VAPA: variants seen among roughly 807,000 people sequenced by gnomAD.
VAPA encodes VAMP associated protein A.
A neutral mutation model predicts 25.6 loss-of-function variants in VAPA; 6 were observed. The ratio of observed to expected loss-of-function variants is 0.23; its 90% CI spans 0.13 to 0.46. The LOEUF (loss-of-function observed/expected upper bound fraction) is 0.46, where lower values mean the gene tolerates loss of function less well. VAPA is among the 20% of genes least tolerant of loss of function. The pLI is 0.99. For synonymous variants in VAPA, 112 were observed against 106.2 expected (o/e 1.05, Z -0.34); for missense variants, 244 against 302.1 (o/e 0.81, Z 1.43).
intron 5 of VAPA, chr18:9,951,142 C>T (rs1053523056): frequency 4.6e-5 from 7 of 152,184 alleles, no homozygotes; most frequent in Admixed American, 2.0e-4. Flanking sequence ...ACTTTACATA[C>T]GGGGCTCACA....
chr18:9,917,195 A>G (rs1006281518), intron 1 of VAPA, among the ~76,000 whole-genome samples: 6 of 152,382 alleles, frequency 3.9e-5, no homozygotes, highest in Admixed American at 2.6e-4. Flanking sequence ...CAGATTTGAA[A>G]CTTGGTATTT....
rs1194952876 is a variant in VAPA at position 9,950,305 on chromosome 18, A to G, written c.418-90A>G. ...TAGGCCTTTTAAAGAGTTTTTCATG[A>G]ACAAAGATGTAGAATTTATATTGTT... is the stretch of plus-strand genomic sequence containing the variant. On this transcript the variant is annotated intron_variant, in intron 4 of 5. Transcript: ENST00000400000. The G allele has an allele frequency of 1.0e-5, 15 of 1,433,706 alleles. No individual in the cohort carries two copies. In the East Asian group the frequency reaches 1.9e-4, roughly 18 times the overall value. 88.8% of individuals were successfully genotyped at this position (1,433,706 alleles called of 1,614,324 possible).
chr18:9,924,713 A>G (rs569189530), intron 1 of VAPA, among the ~76,000 whole-genome samples: 4 of 152,266 alleles, frequency 2.6e-5, no homozygotes, highest in Admixed American at 2.6e-4. Flanking sequence ...TGGTAAGTAA[A>G]GTTAATCACA....
rs754844480 is a variant in VAPA at position 9,954,167 on chromosome 18, G to A, written c.706G>A (p.Ala236Thr). The change falls in exon 6 of 6, where the codon GCA becomes ACA. Residue 236 changes from alanine (A) to threonine (T), a missense_variant. Ala to Thr is a moderately conservative substitution (Grantham distance 58). Around this residue, in one of 2 missense-constraint regions of VAPA, gnomAD observed 145 missense variants for 140.6 expected, o/e 1.03. Transcript: ENST00000400000. ...TCTTCCTTCACTTCTTGTTGTAATT[G>A]CAGCCATTTTCATTGGATTCTTTCT... ...SPLPSLLVVI[A>T]AIFIGFFLGK... The A allele has an allele frequency of 6.2e-7, 1 of 1,613,448 alleles. No homozygotes were observed. The highest frequency in any genetic ancestry group is 8.5e-7 in the Non-Finnish European group (1 of 1,179,730).
chr18:9,914,515 C>T (rs1176139578), intron 1 of VAPA, 180 bp downstream of exon 1: 3 of 402,828 alleles, frequency 7.4e-6, no homozygotes, highest in African/African-American at 4.3e-5. Context: ...CTGCCCCTTG[C>T]TCCGGCCCGC....
chr18:9,929,970 A>T (rs1458937650), intron 1 of VAPA, among the ~76,000 whole-genome samples: 1 of 152,164 alleles, frequency 6.6e-6, no homozygotes, highest in Admixed American at 6.5e-5. Context: ...CTGTATTGAC[A>T]ATTTATAATC....
At chr18:9,923,549 A>G (rs181572913) in intron 1 of VAPA, among the ~76,000 whole-genome samples, 2 of 152,330 alleles carry the variant, frequency 1.3e-5, no homozygotes, top group South Asian at 2.1e-4. Flanking sequence ...ATGAATATGT[A>G]TATAATTTTA....
chr18:9,914,346 C>G lies in VAPA; in HGVS notation c.79+11C>G. ...ACCTCAAATTCAAAGGTAGGCAGAA[C>G]GGGGACACCCCCGGGTGGGGTGGGG... On this transcript the variant is annotated intron_variant, in intron 1 of 5. Transcript: ENST00000400000. 1 of 1,570,860 alleles carries G rather than the reference C, an allele frequency of 6.4e-7. No individual in the cohort carries two copies. The highest frequency in any genetic ancestry group is 1.1e-5 in the South Asian group (1 of 87,218).
intron 1 of VAPA, among the ~76,000 whole-genome samples, chr18:9,931,608 A>G (rs1403846737): frequency 4.6e-5 from 7 of 152,220 alleles, no homozygotes; most frequent in Non-Finnish European, 1.0e-4. Flanking sequence ...ATTTTGTGAA[A>G]TACAGGGAAT....
rs1250529639 is a variant in VAPA, at chr18:9,954,903, T to C, written c.*692T>C. On this transcript the variant is annotated 3_prime_UTR_variant, in exon 6 of 6. Transcript: ENST00000400000. Reference sequence around the variant, plus strand: ...CTTGAAATTATGATGCAAAGGTTTCTCTTGCATTGAAACCCTCTTGGATAT... The same window carrying C: ...CTTGAAATTATGATGCAAAGGTTTCCCTTGCATTGAAACCCTCTTGGATAT... The C allele has an allele frequency of 6.6e-6, 1 of 152,620 alleles. No individual in the cohort carries two copies. 9.5% of individuals were successfully genotyped at this position (152,620 alleles called of 1,614,324 possible). A position where few individuals can be genotyped will look rare whatever the true frequency, so the allele number is the denominator to read the frequency against.
At chr18:9,927,296 T>G (rs2069208626) in intron 1 of VAPA, among the ~76,000 whole-genome samples, 1 of 152,132 alleles carries the variant, frequency 6.6e-6, no homozygotes. Flanking sequence ...TTATCTCAAC[T>G]TCTTTGTCAA....
intron 4 of VAPA, chr18:9,949,651 C>T (rs918360124): frequency 3.3e-5 from 5 of 152,114 alleles, no homozygotes; most frequent in East Asian, 3.8e-4. Context: ...AATACTGCTA[C>T]GATGTGTGGT....
intron 1 of VAPA, among the ~76,000 whole-genome samples, chr18:9,921,555 T>C (rs995895589): frequency 2.0e-5 from 3 of 152,252 alleles, no homozygotes; most frequent in Non-Finnish European, 4.4e-5. Context: ...GGGATACATA[T>C]AGATAGTAAA....
intron 5 of VAPA, chr18:9,951,143 G>A (rs892256201): frequency 1.3e-5 from 2 of 151,598 alleles, no homozygotes; most frequent in Admixed American, 6.6e-5. Flanking sequence ...CTTTACATAC[G>A]GGGCTCACAT....
intron 1 of VAPA, among the ~76,000 whole-genome samples, chr18:9,924,588 G>A (rs1363536520): frequency 1.3e-5 from 2 of 152,138 alleles, no homozygotes; most frequent in South Asian, 2.1e-4. Flanking sequence ...ACCTTAAAAA[G>A]CACTCCTAAA....
At chr18:9,933,533 G>T (rs2069277689) in intron 2 of VAPA, among the ~76,000 whole-genome samples, 1 of 152,182 alleles carries the variant, frequency 6.6e-6, no homozygotes, top group Non-Finnish European at 1.5e-5. Flanking sequence ...ACAATTGGAA[G>T]AAGAGAGAAT....
intron 1 of VAPA, among the ~76,000 whole-genome samples, chr18:9,929,317 A>C (rs1170640818): frequency 6.6e-6 from 1 of 152,050 alleles, no homozygotes; most frequent in Admixed American, 6.6e-5. Flanking sequence ...CCTGCTCCTA[A>C]TGAAAGGAGC....
intron 4 of VAPA, among the ~76,000 whole-genome samples, chr18:9,938,718 A>G (rs545644346): frequency 6.6e-6 from 1 of 152,320 alleles, no homozygotes; most frequent in Admixed American, 6.5e-5. Flanking sequence ...TATTTTCACT[A>G]ATTGGATTAT....
In VAPA at chr18:9,958,746, CTG is replaced by C. The variant is rs1329442315; in HGVS notation, c.*4537_*4538del. 3 of 152,090 alleles carry C rather than the reference CTG, an allele frequency of 2.0e-5. No homozygotes were observed. The highest frequency in any genetic ancestry group is 4.4e-5 in the Non-Finnish European group (3 of 68,008). 9.4% of individuals were successfully genotyped at this position (152,090 alleles called of 1,614,324 possible). Reference sequence around the variant, plus strand: ...ATTTTTCTTTAAACTGCAGGAGTCACTGTTAGGTATTGCTTAAAAAAAATTGC... The same window carrying C: ...ATTTTTCTTTAAACTGCAGGAGTCACTTAGGTATTGCTTAAAAAAAATTGC... On this transcript the variant is annotated 3_prime_UTR_variant, in exon 6 of 6. Coordinates refer to ENST00000400000, the MANE Select transcript of VAPA (RefSeq NM_194434.3).
Sources: allele counts gnomAD v4.1 joint callset (sites outside exome capture counted in the v4.1 genomes callset), GRCh38; gene constraint gnomAD v4.1.1; regional missense constraint gnomAD v4.1.1; transcripts MANE v1.5; gene names NCBI Gene and HGNC (gene_info 2026-07-23, HGNC 2026-07-21).